Variants in CCDC7 observed in about 807,000 individuals in gnomAD.
CCDC7 encodes coiled-coil domain-containing protein 7.
A neutral mutation model predicts 196.9 loss-of-function variants in CCDC7; 183 were observed. The observed-to-expected ratio is 0.93, with a 90% CI of 0.82 to 1.05. CCDC7 has a LOEUF of 1.05. CCDC7 is among the 50% of genes least tolerant of loss of function. The pLI, the probability that CCDC7 is intolerant of heterozygous loss-of-function variation, is 0.00. For synonymous variants in CCDC7, 525 were observed against 484.6 expected, an observed-to-expected ratio of 1.08 and a Z score of -1.10; for missense variants, 1,540 against 1,482.2, an observed-to-expected ratio of 1.04 and a Z score of -0.64.
intron 11 of CCDC7, among the ~76,000 whole-genome samples, chr10:32,536,147 C>A (rs538989460): frequency 3.2e-4 from 48 of 152,180 alleles, no homozygotes; most frequent in African/African-American, 1.1e-3. Context: ...ATGTATCTAA[C>A]TACCCGTTTG....
At chr10:32,881,889 A>G (rs1330425513), downstream of CCDC7, among the ~76,000 whole-genome samples, 26 of 152,290 alleles carry the variant, frequency 1.7e-4, no homozygotes, top group Non-Finnish European at 1.5e-5. Flanking sequence ...CTATCAGTTC[A>G]GAGCACACAT....
intron 18 of CCDC7, among the ~76,000 whole-genome samples, chr10:32,604,534 TATTA>T (rs1264043354): frequency 2.0e-5 from 3 of 152,162 alleles, no homozygotes; most frequent in Non-Finnish European, 4.4e-5. Flanking sequence ...ATTTTTACAA[TATTA>T]ATTCTTCCAG....
At chr10:32,876,700 T>G, downstream of CCDC7, 1 of 231,456 alleles carries the variant, frequency 4.3e-6, no homozygotes, top group Non-Finnish European at 8.4e-6. Flanking sequence ...TATTAATTTT[T>G]TGAACAATGC....
intron 41 of CCDC7, among the ~76,000 whole-genome samples, chr10:32,861,825 T>C (rs1332696687): frequency 6.6e-6 from 1 of 152,182 alleles, no homozygotes; most frequent in Non-Finnish European, 1.5e-5. Flanking sequence ...AAGATCATCA[T>C]CACTGGTCAT....
chr10:32,531,131 CT>C (rs201725353), intron 11 of CCDC7, among the ~76,000 whole-genome samples: 1 of 150,974 alleles, frequency 6.6e-6, no homozygotes, highest in African/African-American at 2.4e-5. Flanking sequence ...GTGATTGATT[CT>C]TTTTTTTTGA....
chr10:32,599,527 T>C (rs1460441432), intron 18 of CCDC7, among the ~76,000 whole-genome samples: 2 of 152,180 alleles, frequency 1.3e-5, no homozygotes, highest in African/African-American at 2.4e-5. Context: ...TTGTGTTTCA[T>C]TGATTTTTTT....
chr10:32,489,797 A>G (rs2041869419), intron 8 of CCDC7, among the ~76,000 whole-genome samples: 1 of 152,134 alleles, frequency 6.6e-6, no homozygotes, highest in Non-Finnish European at 1.5e-5. Context: ...TGTCTGAGGC[A>G]TGGAAGTGCG....
chr10:32,855,008 A>G (rs891144262), intron 41 of CCDC7, among the ~76,000 whole-genome samples: 6 of 152,178 alleles, frequency 3.9e-5, no homozygotes, highest in Non-Finnish European at 5.9e-5. Context: ...TCAAATTACT[A>G]TGGCTAATAG....
intron 16 of CCDC7, among the ~76,000 whole-genome samples, chr10:32,579,545 G>T (rs866343388): frequency 9.9e-5 from 15 of 152,206 alleles, no homozygotes; most frequent in African/African-American, 3.6e-4. Flanking sequence ...TTGTGTGTTT[G>T]GGTTCCCCAA....
At chr10:32,475,327 G>C (rs1024967915) in intron 8 of CCDC7, among the ~76,000 whole-genome samples, 1 of 152,132 alleles carries the variant, frequency 6.6e-6, no homozygotes, top group Non-Finnish European at 1.5e-5. Flanking sequence ...ATTTCCATAT[G>C]TACTGCATTC....
intron 9 of CCDC7, among the ~76,000 whole-genome samples, chr10:32,496,649 CAT>C (rs2042959504): frequency 6.6e-6 from 1 of 152,248 alleles, no homozygotes; most frequent in South Asian, 2.1e-4. Flanking sequence ...TTTACATAAT[CAT>C]GTGGTTTTTG....
In CCDC7 at chr10:32,778,085, C is replaced by T. The variant is rs575196300; in HGVS notation, c.2906-892C>T. ...GTTTAAGTTCCTTATAGATTCTAGA[C>T]CTTTGTTAGATGCATAGTTCATGGA... On this transcript the variant is annotated intron_variant, in intron 28 of 41. Transcript: ENST00000639629. 4.3e-4 allele frequency among the ~76,000 whole-genome samples: 65 copies of T among 152,150 alleles called. 1 individual carries two copies. The highest frequency in any genetic ancestry group is 1.5e-3 in the African/African-American group (63 of 41,520).
At chr10:32,678,389 A>G (rs1160986279) in intron 21 of CCDC7, among the ~76,000 whole-genome samples, 1 of 152,084 alleles carries the variant, frequency 6.6e-6, no homozygotes, top group Non-Finnish European at 1.5e-5. Context: ...TTGGCCCTTC[A>G]CTAGACAGCC....
intron 13 of CCDC7, among the ~76,000 whole-genome samples, chr10:32,557,764 T>C (rs542792981): frequency 7.2e-5 from 11 of 152,256 alleles, no homozygotes; most frequent in African/African-American, 2.6e-4. Context: ...GGATCATAGC[T>C]CACTGCAGCT....
chr10:32,815,367 C>T (rs2088197805), intron 31 of CCDC7, among the ~76,000 whole-genome samples: 1 of 151,982 alleles, frequency 6.6e-6, no homozygotes, highest in African/African-American at 2.4e-5. Context: ...GGTACAATAA[C>T]AATCTTTTAT....
At chr10:32,815,944 G>C (rs1453006198) in intron 31 of CCDC7, among the ~76,000 whole-genome samples, 1 of 152,184 alleles carries the variant, frequency 6.6e-6, no homozygotes, top group East Asian at 1.9e-4. Flanking sequence ...GGTGATTTCT[G>C]CATTTCCAAC....
chr10:32,763,588 A>T (rs547892074), intron 28 of CCDC7, among the ~76,000 whole-genome samples: 46 of 152,094 alleles, frequency 3.0e-4, no homozygotes, highest in African/African-American at 1.0e-3. Flanking sequence ...CGTGTCTGTC[A>T]GTGGATGTAT....
intron 20 of CCDC7, among the ~76,000 whole-genome samples, chr10:32,645,503 C>CTTTTTTTTTT (rs35170235): frequency 4.6e-5 from 3 of 65,144 alleles, no homozygotes; most frequent in Non-Finnish European, 9.2e-5. Flanking sequence ...GAGTCCATGT[C>CTTTTTTTTTT]TTTTTTTTTT....
chr10:32,471,299 A>G, intron 6 of CCDC7, 69 bp downstream of exon 7: 2 of 1,530,458 alleles, frequency 1.3e-6, no homozygotes, highest in Non-Finnish European at 1.8e-6. Flanking sequence ...CACTGAATGT[A>G]AGATAATGGG....
Sources: gnomAD v4.1 joint callset for allele counts (sites outside exome capture counted in the v4.1 genomes callset) on GRCh38, gnomAD v4.1.1 for gene constraint, MANE v1.5 for transcripts, NCBI Gene and HGNC (gene_info 2026-07-23, HGNC 2026-07-21) for gene names.